Variants in MAP2K5 observed in about 807,000 individuals in gnomAD.
MAP2K5 encodes mitogen-activated protein kinase kinase 5, also known as dual specificity mitogen-activated protein kinase kinase 5.
In MAP2K5, 49 loss-of-function variants were observed where a neutral mutation model predicts 83.1. The observed-to-expected ratio is 0.59, with a 90% CI of 0.47 to 0.75. MAP2K5 has a LOEUF of 0.75. Among genes scored for constraint, MAP2K5 ranks in the 30% least tolerant of loss-of-function variants. The probability of loss-of-function intolerance (pLI) is 0.00; values close to 1 mark genes in which losing one functional copy is unlikely to be tolerated. For missense variants in MAP2K5, 457 were observed against 557.5 expected, an observed-to-expected ratio of 0.82 and a Z score of 1.82; for synonymous variants, 202 against 191.8, an observed-to-expected ratio of 1.05 and a Z score of -0.44.
chr15:67,703,349 T>C lies in MAP2K5; in HGVS notation c.985T>C (p.Ser329Pro). 6.2e-7 allele frequency: 1 copy of C among 1,613,650 alleles called. No individual in the cohort carries two copies. The highest frequency in any genetic ancestry group is 1.1e-5 in the South Asian group (1 of 91,050). ...TNAYMAPERI[S>P]GEQYGIHSDV... is the part of the protein sequence containing the mutation. Reference sequence around the variant, plus strand: ...TGATTTCTTGCAGCCTGAAAGGATTTCAGGGGAGCAGTATGGAATTCATTC... The same window carrying C: ...TGATTTCTTGCAGCCTGAAAGGATTCCAGGGGAGCAGTATGGAATTCATTC... The change falls in exon 16 of 22, where the codon TCA becomes CCA. Residue 329 changes from serine to proline, a missense_variant. By Grantham distance (74) the Ser-to-Pro change is moderately conservative. This residue lies in a region of MAP2K5 where 168 missense variants were observed against 263.0 expected (regional missense o/e 0.64). Coordinates refer to ENST00000178640, the MANE Select transcript of MAP2K5 (RefSeq NM_145160.3).
rs1407435927 is a variant in MAP2K5 at position 67,665,855 on chromosome 15, A to G, written c.847+1210A>G. 6.6e-6 allele frequency among the ~76,000 whole-genome samples: 1 copy of G among 152,144 alleles called. No homozygotes were observed. The highest frequency in any genetic ancestry group is 1.9e-4 in the East Asian group (1 of 5,202). ...GTGTGTAAACAAATTTGGTGGATGA[A>G]AAAAAATTGAACATTTTTGACTACC... is the stretch of plus-strand genomic sequence containing the variant. On this transcript the variant is annotated intron_variant, in intron 13 of 21. Transcript: ENST00000178640. The surrounding 1 kb of genome is among the most constrained non-coding windows in gnomAD (Gnocchi z 4.2).
chr15:67,645,942 A>G (rs1158381357), intron 9 of MAP2K5, among the ~76,000 whole-genome samples: 1 of 152,172 alleles, frequency 6.6e-6, no homozygotes, highest in East Asian at 1.9e-4. Flanking sequence ...GAGTGCATAA[A>G]TTAAGAGTGT....
intron 13 of MAP2K5, among the ~76,000 whole-genome samples, chr15:67,681,055 T>A (rs965584209): frequency 6.6e-6 from 1 of 152,208 alleles, no homozygotes; most frequent in Non-Finnish European, 1.5e-5. Flanking sequence ...TACATTCAAG[T>A]TTACAAAATG....
chr15:67,753,547 T>G (rs952047539), intron 19 of MAP2K5, among the ~76,000 whole-genome samples: 2 of 152,136 alleles, frequency 1.3e-5, no homozygotes, highest in Non-Finnish European at 2.9e-5. Context: ...AAATAGACAT[T>G]TCTCTGAAGA....
rs541117802 is a variant in MAP2K5 at position 67,724,274 on chromosome 15, C to A, written c.1045-3642C>A. Among the ~76,000 whole-genome samples, 1 of 152,300 alleles carries A rather than the reference C, an allele frequency of 6.6e-6. No homozygotes were observed. The highest frequency in any genetic ancestry group is 2.1e-4 in the South Asian group (1 of 4,822). ...AGTAGGGGTAAAAGATACAGAATGG[C>A]CCCAGGTCTGCCTGTGTGTGAAATA... On this transcript the variant is annotated intron_variant, in intron 16 of 21. Transcript: ENST00000178640. This position sits in a 1 kb window ranked among gnomAD's most constrained non-coding sequence, Gnocchi z 4.4.
In MAP2K5 at chr15:67,644,804, G is replaced by C. The variant is rs1487337273; in HGVS notation, c.586-1427G>C. Among the ~76,000 whole-genome samples, 1 of 152,020 alleles carries C rather than the reference G, an allele frequency of 6.6e-6. No individual in the cohort carries two copies. Among genetic ancestry groups the C allele is most frequent in the Non-Finnish European group, 1.5e-5 (1 of 67,984 alleles). The stretch of plus-strand genomic sequence containing the variant: ...TTACCTGACTGGAAAAAAAAAAGAT[G>C]ATATATTTTTAAAATTCCTTATTTC... On this transcript the variant is annotated intron_variant, in intron 9 of 21. Transcript: ENST00000178640. The surrounding 1 kb of genome is among the most constrained non-coding windows in gnomAD (Gnocchi z 4.6).
intron 21 of MAP2K5, among the ~76,000 whole-genome samples, chr15:67,788,968 T>G (rs1400142196): frequency 1.2e-5 from 1 of 86,858 alleles, no homozygotes; most frequent in African/African-American, 4.8e-5. Context: ...AGAGACCCTG[T>G]CTCAAAAAAA....
At chr15:67,673,282 G>A (rs8035989) in intron 13 of MAP2K5, among the ~76,000 whole-genome samples, 40,526 of 151,846 alleles carry the variant, frequency 0.27, 6,133 homozygotes, top group East Asian at 0.53. Flanking sequence ...TCCCATCTAA[G>A]GGCATCCTTT....
chr15:67,688,167 C>G (rs1393316292), intron 13 of MAP2K5, among the ~76,000 whole-genome samples: 1 of 152,154 alleles, frequency 6.6e-6, no homozygotes, highest in African/African-American at 2.4e-5. Context: ...AAGAGCATAC[C>G]TGGCAGGTAG....
At position 67,781,627 on chromosome 15, in the gene MAP2K5, C is replaced by T. The variant is rs2090330119; in HGVS notation, c.1242+8875C>T. 6.6e-6 allele frequency among the ~76,000 whole-genome samples: 1 copy of T among 152,098 alleles called. No homozygotes were observed. The highest frequency in any genetic ancestry group is 1.5e-5 in the Non-Finnish European group (1 of 68,016). On this transcript the variant is annotated intron_variant, in intron 21 of 21. Transcript: ENST00000178640. This position sits in a 1 kb window ranked among gnomAD's most constrained non-coding sequence, Gnocchi z 4.0. ...TCCAGTATCGTGGTTTACCGTTTCTCTGGTCTCTTCATATAAATGGTCACT... is the reference window on the plus strand; with the variant it reads ...TCCAGTATCGTGGTTTACCGTTTCTTTGGTCTCTTCATATAAATGGTCACT...
In MAP2K5 at chr15:67,779,017, C is replaced by G. The variant is rs2090282995; in HGVS notation, c.1242+6265C>G. ...CTTTAGGGCCAGACTCCTAATGTGT[C>G]TGGCCACTCATTCTTGTAAACATCA... On this transcript the variant is annotated intron_variant, in intron 21 of 21. Coordinates refer to ENST00000178640, the MANE Select transcript of MAP2K5 (RefSeq NM_145160.3). This position sits in a 1 kb window ranked among gnomAD's most constrained non-coding sequence, Gnocchi z 4.6. 6.6e-6 allele frequency among the ~76,000 whole-genome samples: 1 copy of G among 152,200 alleles called. No individual in the cohort carries two copies. Among genetic ancestry groups the G allele is most frequent in the Non-Finnish European group, 1.5e-5 (1 of 68,036 alleles).
intron 21 of MAP2K5, among the ~76,000 whole-genome samples, chr15:67,795,540 G>T (rs1029851044): frequency 1.3e-5 from 2 of 152,078 alleles, no homozygotes; most frequent in Non-Finnish European, 2.9e-5. Flanking sequence ...TTGTTATCTT[G>T]TGGTTATTAC....
chr15:67,667,094 G>A (rs1475835727), intron 13 of MAP2K5, among the ~76,000 whole-genome samples: 1 of 152,166 alleles, frequency 6.6e-6, no homozygotes, highest in African/African-American at 2.4e-5. Context: ...GAAGACTTTT[G>A]TAAAGCATTG....
intron 19 of MAP2K5, among the ~76,000 whole-genome samples, chr15:67,763,090 G>A (rs1462555334): frequency 1.3e-5 from 2 of 151,970 alleles, no homozygotes; most frequent in Admixed American, 6.6e-5. Flanking sequence ...AGTAAAAGGC[G>A]GGCTTTCTGT....
chr15:67,573,859 C>T lies in MAP2K5; in HGVS notation c.253-6895C>T, dbSNP rs1357826729. Among the ~76,000 whole-genome samples, 1 of 152,172 alleles carries T rather than the reference C, an allele frequency of 6.6e-6. No homozygotes were observed. The highest frequency in any genetic ancestry group is 2.4e-5 in the African/African-American group (1 of 41,446). On this transcript the variant is annotated intron_variant, in intron 3 of 21. Coordinates refer to ENST00000178640, the MANE Select transcript of MAP2K5 (RefSeq NM_145160.3). The surrounding 1 kb of genome is among the most constrained non-coding windows in gnomAD (Gnocchi z 4.2). Reference sequence around the variant, plus strand: ...TACACAAAGATGAATAATCCTGTGTCACCAGCCTTGTAGTGCAGCGCATCT... The same window carrying T: ...TACACAAAGATGAATAATCCTGTGTTACCAGCCTTGTAGTGCAGCGCATCT...
chr15:67,578,781 A>G (rs1216254502), intron 3 of MAP2K5, among the ~76,000 whole-genome samples: 1 of 152,236 alleles, frequency 6.6e-6, no homozygotes, highest in East Asian at 1.9e-4. Flanking sequence ...AGGTAAATAA[A>G]TAAAGCTGGA....
chr15:67,599,516 G>A (rs754443603), intron 7 of MAP2K5, among the ~76,000 whole-genome samples: 8 of 152,150 alleles, frequency 5.3e-5, no homozygotes, highest in Non-Finnish European at 8.8e-5. Flanking sequence ...ATTTCCCTTG[G>A]TAAATGAACC....
intron 16 of MAP2K5, among the ~76,000 whole-genome samples, chr15:67,707,689 G>A (rs1175320215): frequency 6.6e-6 from 1 of 152,242 alleles, no homozygotes; most frequent in East Asian, 1.9e-4. Context: ...ACAAGGGGAA[G>A]GGGGTGGGGT....
intron 17 of MAP2K5, among the ~76,000 whole-genome samples, chr15:67,740,141 C>CT (rs1268379547): frequency 2.6e-5 from 4 of 152,148 alleles, no homozygotes; most frequent in Non-Finnish European, 4.4e-5. Flanking sequence ...TTTCAGGAAC[C>CT]TTTAATAAGT....
Sources: allele counts gnomAD v4.1 joint callset (sites outside exome capture counted in the v4.1 genomes callset), GRCh38; gene constraint gnomAD v4.1.1; regional missense constraint gnomAD v4.1.1; non-coding constraint Gnocchi (gnomAD v3.1); transcripts MANE v1.5; gene names NCBI Gene and HGNC (gene_info 2026-07-23, HGNC 2026-07-21).